Variants in MROH1 observed in about 807,000 individuals in gnomAD.
MROH1 encodes the protein maestro heat like repeat family member 1.
MROH1 carries 117 observed loss-of-function variants against 116.5 expected under a neutral mutation model. The observed-to-expected ratio is 1.00, with a 90% CI of 0.86 to 1.17. The LOEUF (loss-of-function observed/expected upper bound fraction) is 1.17, where lower values mean the gene tolerates loss of function less well. MROH1 is among the 50% of genes most tolerant of loss of function. MROH1 has a pLI of 0.00. For missense variants in MROH1, 1,873 were observed against 1,338.5 expected (o/e 1.40, Z -6.23); for synonymous variants, 921 against 583.9 (o/e 1.58, Z -8.32).
intron 4 of MROH1, among the ~76,000 whole-genome samples, chr8:144,171,025 G>C (rs1279490148): frequency 6.6e-6 from 1 of 152,200 alleles, no homozygotes; most frequent in Non-Finnish European, 1.5e-5. Flanking sequence ...TGACCAAATG[G>C]GGGGGATTTC....
chr8:144,164,026 C>G (rs535181999), intron 3 of MROH1, among the ~76,000 whole-genome samples, 178 bp downstream of exon 3: 8 of 151,222 alleles, frequency 5.3e-5, no homozygotes, highest in African/African-American at 1.7e-4. Context: ...TTCTCCCACA[C>G]GAGCCTTCAG....
chr8:144,229,240 T>C lies in MROH1; in HGVS notation c.1338+6010T>C, dbSNP rs188830070. 4.1e-3 allele frequency among the ~76,000 whole-genome samples: 617 copies of C among 152,332 alleles called. 3 individuals carry two copies. Among genetic ancestry groups the C allele is most frequent in the Middle Eastern group, 0.014 (4 of 294 alleles). Reference sequence around the variant, plus strand: ...CAAACTCTTGTTCATGTTGATTTTGTTGACCTCTTCCCATGAATCACAAAT... The same window carrying C: ...CAAACTCTTGTTCATGTTGATTTTGCTGACCTCTTCCCATGAATCACAAAT... On this transcript the variant is annotated intron_variant, in intron 14 of 43. Coordinates refer to ENST00000326134, the MANE Select transcript of MROH1 (RefSeq NM_032450.3).
chr8:144,152,542 AATTATT>A, intron 1 of MROH1, among the ~76,000 whole-genome samples: 1 of 129,168 alleles, frequency 7.7e-6, no homozygotes, highest in East Asian at 2.0e-4. Flanking sequence ...GCGTGTGAAA[AATTATT>A]ATTATTATTT....
intron 1 of MROH1, among the ~76,000 whole-genome samples, chr8:144,159,335 G>A (rs772966478): frequency 6.6e-6 from 1 of 152,206 alleles, no homozygotes; most frequent in South Asian, 2.1e-4. Flanking sequence ...TCCAGCCTGG[G>A]CGACAAAAGC....
rs184492964 is a variant in MROH1 at position 144,168,205 on chromosome 8, G to A, written c.23-90G>A. ...TCTGTGTCTGTGATCCTCAGAGGCTGCAGGTGTGTCCACTGCAGGAGTGGC... is the reference window on the plus strand; with the variant it reads ...TCTGTGTCTGTGATCCTCAGAGGCTACAGGTGTGTCCACTGCAGGAGTGGC... On this transcript the variant is annotated intron_variant, in intron 3 of 43. Transcript: ENST00000326134. 1.6e-4 allele frequency: 217 copies of A among 1,392,544 alleles called. No homozygotes were observed. In the African/African-American group the frequency reaches 2.7e-3, roughly 17 times the overall value. 86.3% of individuals were successfully genotyped at this position (1,392,544 alleles called of 1,614,324 possible).
At chr8:144,179,110 C>T (rs552376544) in intron 4 of MROH1, among the ~76,000 whole-genome samples, 26 of 152,086 alleles carry the variant, frequency 1.7e-4, no homozygotes, top group East Asian at 7.7e-4. Context: ...GTGTGCTCCT[C>T]CTCTGACAGG....
In MROH1 at chr8:144,239,742, G is replaced by A; in HGVS notation, c.1761G>A (p.Leu587=). Residue 587 remains leucine, a synonymous_variant, in exon 18 of 44, where the codon CTG becomes CTA. Coordinates refer to ENST00000326134, the MANE Select transcript of MROH1 (RefSeq NM_032450.3). ...QHWETTVPLL[L]GYLDEHTEET... is the part of the protein sequence containing the mutation. ...GGGAAACGACTGTCCCGCTGCTGCTGGGGTACCTGGATGGTGAGGCCAGGG... is the reference window on the plus strand; with the variant it reads ...GGGAAACGACTGTCCCGCTGCTGCTAGGGTACCTGGATGGTGAGGCCAGGG... The A allele has an allele frequency of 1.4e-6, 1 of 718,202 alleles. No individual in the cohort carries two copies. Among genetic ancestry groups the A allele is most frequent in the South Asian group, 1.5e-5 (1 of 67,630 alleles). The allele number at this position is 718,202 out of a possible 1,614,324, so 44.5% of individuals were successfully genotyped here.
intron 1 of MROH1, among the ~76,000 whole-genome samples, chr8:144,153,799 C>A (rs1032961273): frequency 6.6e-6 from 1 of 152,078 alleles, no homozygotes. Context: ...TTTGCTCCAT[C>A]GCCCAGGCTG....
intron 14 of MROH1, among the ~76,000 whole-genome samples, chr8:144,228,847 T>C (rs1251178873): frequency 6.6e-6 from 1 of 152,252 alleles, no homozygotes. Flanking sequence ...TCTTATGCAC[T>C]GCTATTTGAT....
intron 4 of MROH1, among the ~76,000 whole-genome samples, chr8:144,176,961 CTGCCTCACTCT>C (rs1824143307): frequency 1.3e-5 from 2 of 152,170 alleles, no homozygotes; most frequent in South Asian, 2.1e-4. Flanking sequence ...GATTCCCCAC[CTGCCTCACTCT>C]TGCCTCACTG....
In MROH1 at chr8:144,238,794, C is replaced by T. The variant is rs1564541235; in HGVS notation, c.1377C>T (p.Ala459=). 2 of 774,530 alleles carry T rather than the reference C, an allele frequency of 2.6e-6. No individual in the cohort carries two copies. Among genetic ancestry groups the T allele is most frequent in the South Asian group, 1.3e-5 (1 of 74,552 alleles). The allele number at this position is 774,530 out of a possible 1,614,324, so 48.0% of individuals were successfully genotyped here. A position where few individuals can be genotyped will look rare whatever the true frequency, so the allele number is the denominator to read the frequency against. The change falls in exon 15 of 44, where the codon GCC becomes GCT. Residue 459 remains alanine (A), a synonymous_variant. Transcript: ENST00000326134. ...GCCCCGGCAGCAAGGACCCCAAGGC[C>T]GACAGCGTGCGGGCCATCAGCGTGC... ...KPGPGSKDPK[A]DSVRAISVRT...
intron 7 of MROH1, among the ~76,000 whole-genome samples, chr8:144,185,180 G>T (rs1826645528): frequency 1.3e-5 from 2 of 152,154 alleles, no homozygotes; most frequent in East Asian, 1.9e-4. Context: ...CGGTTCCACT[G>T]GAATCCTCGT....
At chr8:144,236,209 G>T (rs1840008795) in intron 14 of MROH1, among the ~76,000 whole-genome samples, 1 of 152,092 alleles carries the variant, frequency 6.6e-6, no homozygotes, top group Non-Finnish European at 1.5e-5. Context: ...GTTTTCTCAT[G>T]ATTTGATCCA....
At chr8:144,153,902 AG>A (rs1224890167) in intron 1 of MROH1, among the ~76,000 whole-genome samples, 1 of 151,760 alleles carries the variant, frequency 6.6e-6, no homozygotes, top group East Asian at 1.9e-4. Flanking sequence ...CCAGGACTAC[AG>A]GCGCCCACCA....
chr8:144,151,157 A>G (rs1373685785), intron 1 of MROH1, among the ~76,000 whole-genome samples: 1 of 147,988 alleles, frequency 6.8e-6, no homozygotes, highest in Non-Finnish European at 1.5e-5. Flanking sequence ...CCAAGGCAGG[A>G]GAATCGCTTG....
chr8:144,195,218 A>AAAAAAAAAAAAAAAT (rs1829571783), intron 10 of MROH1, among the ~76,000 whole-genome samples: 1 of 141,892 alleles, frequency 7.0e-6, no homozygotes, highest in African/African-American at 2.5e-5. Context: ...AAAAAAAAAA[A>AAAAAAAAAAAAAAAT]AGGCCGAGTG....
In MROH1 at chr8:144,254,863, C is replaced by T; in HGVS notation, c.3479C>T (p.Ala1160Val). ...CTGGCGGTGGAGCCTCGCCTAGCTG[C>T]CCAGGTCCTGGGGCTGCTGCTGGAG... Reference protein sequence around the residue: ...RALAVEPRLAAQVLGLLLEKM... With the variant: ...RALAVEPRLAVQVLGLLLEKM... Residue 1160 changes from alanine (A) to valine (V), a missense_variant, in exon 34 of 44, where the codon GCC becomes GTC. Coordinates refer to ENST00000326134, the MANE Select transcript of MROH1 (RefSeq NM_032450.3). 1 of 777,946 alleles carries T rather than the reference C, an allele frequency of 1.3e-6. No homozygotes were observed. Among genetic ancestry groups the T allele is most frequent in the Non-Finnish European group, 2.4e-6 (1 of 417,564 alleles). 48.2% of individuals were successfully genotyped at this position (777,946 alleles called of 1,614,324 possible).
At position 144,258,791 on chromosome 8, in the gene MROH1, C is replaced by A. The variant is rs1824903911; in HGVS notation, c.3806C>A (p.Thr1269Asn). 1 of 768,022 alleles carries A rather than the reference C, an allele frequency of 1.3e-6. No homozygotes were observed. The highest frequency in any genetic ancestry group is 1.7e-5 in the Admixed American group (1 of 57,834). The allele number at this position is 768,022 out of a possible 1,614,324, so 47.6% of individuals were successfully genotyped here. ...NLEPCSSAVD[T>N]LRSMLLRSGS... Reference sequence around the variant, plus strand: ...CAATCCTGCAGCTCTGCAGTGGACACCCTGCGGTCCATGCTACTCCGCAGC... The same window carrying A: ...CAATCCTGCAGCTCTGCAGTGGACAACCTGCGGTCCATGCTACTCCGCAGC... Residue 1269 changes from threonine to asparagine, a missense_variant, in exon 36 of 44, where the codon ACC becomes AAC. Thr to Asn is a moderately conservative substitution (Grantham distance 65, BLOSUM62 0). Coordinates refer to ENST00000326134, the MANE Select transcript of MROH1 (RefSeq NM_032450.3).
At chr8:144,260,102 G>GGGGGCTGT in intron 38 of MROH1, 45 bp downstream of exon 38, 1 of 741,662 alleles carries the variant, frequency 1.3e-6, no homozygotes, top group East Asian at 2.5e-5. Flanking sequence ...AGCATGGGTG[G>GGGGGCTGT]GGGGCTGTGC....
Sources: allele counts gnomAD v4.1 joint callset (sites outside exome capture counted in the v4.1 genomes callset), GRCh38; gene constraint gnomAD v4.1.1; transcripts MANE v1.5; gene names NCBI Gene and HGNC (gene_info 2026-07-23, HGNC 2026-07-21).